ARHGAP39: variants seen among roughly 807,000 people sequenced by gnomAD.
The protein encoded by ARHGAP39 is rho GTPase-activating protein 39.
In ARHGAP39, 44 loss-of-function variants were observed where a neutral mutation model predicts 106.9. The ratio of observed to expected loss-of-function variants is 0.41; its 90% confidence interval spans 0.32 to 0.53. ARHGAP39 has a LOEUF of 0.53. Among genes scored for constraint, ARHGAP39 ranks in the 20% least tolerant of loss-of-function variants. ARHGAP39 has a pLI of 0.21. For synonymous variants in ARHGAP39, 768 were observed against 693.2 expected (o/e 1.11, Z -1.69); for missense variants, 1,496 against 1,577.3 (o/e 0.95, Z 0.87).
At chr8:144,579,201 CAAAAAAAA>C (rs541332282) in intron 3 of ARHGAP39, among the ~76,000 whole-genome samples, 1 of 39,918 alleles carries the variant, frequency 2.5e-5, no homozygotes, top group Admixed American at 2.8e-4. Context: ...GACTCTGTCT[CAAAAAAAA>C]AAAAAAAAAA....
At chr8:144,545,854 G>C (rs750125550) in intron 5 of ARHGAP39, 44 bp from the exon 6 acceptor site, 17 of 1,421,668 alleles carry the variant, frequency 1.2e-5, no homozygotes, top group Non-Finnish European at 1.6e-5. Context: ...GTGGGGGAGG[G>C]CCAGGCAGGT....
chr8:144,569,877 A>C (rs1186867125), intron 3 of ARHGAP39, among the ~76,000 whole-genome samples: 1 of 152,244 alleles, frequency 6.6e-6, no homozygotes, highest in Non-Finnish European at 1.5e-5. Flanking sequence ...ACAAAAACAC[A>C]CAGAGTAGTG....
chr8:144,545,722 A>C lies in ARHGAP39; in HGVS notation c.2048T>G (p.Phe683Cys), dbSNP rs1817388541. 6.2e-7 allele frequency: 1 copy of C among 1,612,604 alleles called. No homozygotes were observed. Among genetic ancestry groups the C allele is most frequent in the African/African-American group, 1.3e-5 (1 of 75,050 alleles). The change falls in exon 6 of 12, where the codon TTC (phenylalanine) becomes TGC (cysteine). Residue 683 changes from phenylalanine (F) to cysteine (C), a missense_variant. This residue lies in a region of ARHGAP39 where 905 missense variants were observed against 816.4 expected (regional missense o/e 1.11). Coordinates refer to ENST00000377307, the MANE Select transcript of ARHGAP39 (RefSeq NM_025251.3). ...CTCCGAGGAGGGCTTGCGCAGCGTGAAAGTGGGGAAGACGCAGCTGGAGCT... is the reference window on the plus strand; with the variant it reads ...CTCCGAGGAGGGCTTGCGCAGCGTGCAAGTGGGGAAGACGCAGCTGGAGCT... ...VPSSSCVFPT[F>C]TLRKPSSETD...
chr8:144,557,510 A>C (rs1023806048), intron 3 of ARHGAP39, among the ~76,000 whole-genome samples: 2 of 150,174 alleles, frequency 1.3e-5, no homozygotes, highest in African/African-American at 4.9e-5. Context: ...CGTAGTATTC[A>C]GCGGCAAAAG....
chr8:144,564,476 G>T (rs1818318614), intron 3 of ARHGAP39, among the ~76,000 whole-genome samples: 1 of 152,098 alleles, frequency 6.6e-6, no homozygotes. Context: ...GGAAAAAAAG[G>T]GAACTATTAC....
intron 2 of ARHGAP39, among the ~76,000 whole-genome samples, chr8:144,601,682 G>C (rs1285380641): frequency 2.2e-5 from 3 of 137,732 alleles, no homozygotes; most frequent in Non-Finnish European, 4.6e-5. Context: ...GCGAGCTCAT[G>C]TACCTGTGTG....
At chr8:144,549,180 C>CCCAGATAT (rs1817601166) in intron 4 of ARHGAP39, among the ~76,000 whole-genome samples, 2 of 152,238 alleles carry the variant, frequency 1.3e-5, no homozygotes, top group African/African-American at 2.4e-5. Context: ...GGCAGCACTG[C>CCCAGATAT]GGGGCAGATA....
intron 4 of ARHGAP39, among the ~76,000 whole-genome samples, chr8:144,555,212 G>A (rs1447121797): frequency 3.3e-5 from 5 of 152,252 alleles, no homozygotes; most frequent in African/African-American, 2.4e-5. Flanking sequence ...CCTTCCAGAC[G>A]GGCCTGGCAA....
At chr8:144,594,969 G>A (rs1429533545) in intron 2 of ARHGAP39, among the ~76,000 whole-genome samples, 1 of 152,162 alleles carries the variant, frequency 6.6e-6, no homozygotes, top group Admixed American at 6.6e-5. Flanking sequence ...TTCAGCCTGG[G>A]AGTTGCAGGT....
intron 10 of ARHGAP39, among the ~76,000 whole-genome samples, chr8:144,532,026 G>A (rs1237800922): frequency 7.6e-6 from 1 of 132,282 alleles, no homozygotes; most frequent in Non-Finnish European, 1.6e-5. Flanking sequence ...GGGAGCAGCA[G>A]GTGGGGAGTA....
At chr8:144,643,126 T>A (rs1011007324) in intron 1 of ARHGAP39, among the ~76,000 whole-genome samples, 3 of 152,088 alleles carry the variant, frequency 2.0e-5, no homozygotes, top group Non-Finnish European at 4.4e-5. Context: ...GCCCTCCCCC[T>A]CCCCACCAGC....
chr8:144,571,669 G>T (rs1818591732), intron 3 of ARHGAP39, among the ~76,000 whole-genome samples: 1 of 152,142 alleles, frequency 6.6e-6, no homozygotes, highest in African/African-American at 2.4e-5. Flanking sequence ...GAAATAAAGG[G>T]TATTCAATTA....
At chr8:144,668,688 T>C (rs565790017) in intron 1 of ARHGAP39, among the ~76,000 whole-genome samples, 16 of 152,190 alleles carry the variant, frequency 1.1e-4, no homozygotes, top group Non-Finnish European at 2.1e-4. Context: ...AGACATTCCA[T>C]GTTCATGAAA....
At chr8:144,540,960 T>C (rs1029381202) in intron 6 of ARHGAP39, among the ~76,000 whole-genome samples, 29 of 152,216 alleles carry the variant, frequency 1.9e-4, no homozygotes, top group African/African-American at 7.0e-4. Context: ...CAAGTGATTC[T>C]CCTGCCTCAG....
chr8:144,689,088 A>G (rs1822691835), upstream of ARHGAP39, among the ~76,000 whole-genome samples: 1 of 152,198 alleles, frequency 6.6e-6, no homozygotes, highest in Non-Finnish European at 1.5e-5. Context: ...CTATTGTTTA[A>G]TAGAGCCTCT....
At chr8:144,664,508 G>A (rs1821910705) in intron 1 of ARHGAP39, among the ~76,000 whole-genome samples, 2 of 152,228 alleles carry the variant, frequency 1.3e-5, no homozygotes, top group Non-Finnish European at 1.5e-5. Context: ...GGTAATGGGA[G>A]ATGGAGCTGC....
At chr8:144,599,106 T>C (rs1408450957) in intron 2 of ARHGAP39, among the ~76,000 whole-genome samples, 1 of 152,162 alleles carries the variant, frequency 6.6e-6, no homozygotes, top group African/African-American at 2.4e-5. Context: ...CCGGGGTTGG[T>C]GCTGCTCACA....
chr8:144,584,570 C>G (rs911451374), intron 2 of ARHGAP39, among the ~76,000 whole-genome samples: 4 of 152,112 alleles, frequency 2.6e-5, no homozygotes, highest in Admixed American at 6.5e-5. Flanking sequence ...TGAGATCAGC[C>G]TGGTCAACAT....
intron 2 of ARHGAP39, among the ~76,000 whole-genome samples, chr8:144,588,667 G>A (rs1036708167): frequency 6.6e-6 from 1 of 152,228 alleles, no homozygotes; most frequent in Non-Finnish European, 1.5e-5. Context: ...TGAAGCCCAC[G>A]GCCTGTCTCC....
Sources: allele counts gnomAD v4.1 joint callset (sites outside exome capture counted in the v4.1 genomes callset), GRCh38; gene constraint gnomAD v4.1.1; regional missense constraint gnomAD v4.1.1; transcripts MANE v1.5; gene names NCBI Gene and HGNC (gene_info 2026-07-23, HGNC 2026-07-21).